The following CSMD1 variants were observed in gnomAD, a reference collection of about 807,000 sequenced individuals.
CSMD1 encodes the protein CUB and Sushi multiple domains 1.
Under a neutral mutation model 417.5 loss-of-function variants are expected in CSMD1, and 213 were observed. That is an observed-to-expected ratio of 0.51 (90% confidence interval 0.46 to 0.57). The LOEUF (loss-of-function observed/expected upper bound fraction) is 0.57, where lower values mean the gene tolerates loss of function less well. Among genes scored for constraint, CSMD1 ranks in the 20% least tolerant of loss-of-function variants. CSMD1 has a pLI of 0.00. For missense variants in CSMD1, 6,923 were observed against 4,529.7 expected (o/e 1.53, Z -15.17); for synonymous variants, 2,862 against 1,736.8 (o/e 1.65, Z -16.11).
intron 1 of CSMD1, among the ~76,000 whole-genome samples, chr8:4,899,602 G>C (rs187320866): frequency 1.3e-5 from 2 of 152,096 alleles, no homozygotes; most frequent in East Asian, 3.9e-4. Context: ...TCTTCTAGAA[G>C]TTACCTGTGG....
intron 3 of CSMD1, among the ~76,000 whole-genome samples, chr8:4,118,511 C>T (rs7838851): frequency 0.99 from 150,620 of 152,252 alleles, 74,528 homozygotes; most frequent in East Asian, 1. Flanking sequence ...TCACTGGTCA[C>T]TAGAGAAATG....
chr8:3,671,675 G>C (rs767262294), intron 7 of CSMD1, among the ~76,000 whole-genome samples: 86 of 149,884 alleles, frequency 5.7e-4, no homozygotes, highest in Non-Finnish European at 9.6e-4. Flanking sequence ...GCTTTAAGGT[G>C]CTGTGAGCTC....
At chr8:4,206,207 T>C (rs1799967377) in intron 3 of CSMD1, among the ~76,000 whole-genome samples, 1 of 152,212 alleles carries the variant, frequency 6.6e-6, no homozygotes, top group South Asian at 2.1e-4. Flanking sequence ...TTTTCTTTTT[T>C]TAAATACTTT....
chr8:3,912,011 A>G lies in CSMD1; in HGVS notation c.818+85892T>C, dbSNP rs189620728. On this transcript the variant is annotated intron_variant, in intron 5 of 69. Coordinates refer to ENST00000635120, the MANE Select transcript of CSMD1 (RefSeq NM_033225.6). ...ATAAAAATAGTTCAAAGGATCACCA[A>G]TTGTCATATAGACACATATGGAGTA... 5.3e-5 allele frequency among the ~76,000 whole-genome samples: 8 copies of G among 152,322 alleles called. No homozygotes were observed. The East Asian group carries it at 1.5e-3, about 29-fold the overall frequency.
At position 4,717,820 on chromosome 8, in the gene CSMD1, C is replaced by T. The variant is rs141143552; in HGVS notation, c.86-80262G>A. Among the ~76,000 whole-genome samples, 459 of 152,056 alleles carry T rather than the reference C, an allele frequency of 3.0e-3. 4 individuals carry two copies. The highest frequency in any genetic ancestry group is 0.011 in the African/African-American group (436 of 41,468). ...ACTATCTGACCCTTTCAGATCTTAC[C>T]GCCACCCCAGGAATCTCTTCACATT... On this transcript the variant is annotated intron_variant, in intron 1 of 69. Coordinates refer to ENST00000635120, the MANE Select transcript of CSMD1 (RefSeq NM_033225.6).
chr8:3,511,515 G>A (rs1396055712), intron 10 of CSMD1, among the ~76,000 whole-genome samples: 1 of 151,696 alleles, frequency 6.6e-6, no homozygotes, highest in Non-Finnish European at 1.5e-5. Flanking sequence ...TGCACTTTGG[G>A]AGGCCGAGGC....
chr8:4,900,384 C>T (rs952254532), intron 1 of CSMD1, among the ~76,000 whole-genome samples: 1 of 152,172 alleles, frequency 6.6e-6, no homozygotes, highest in Admixed American at 6.5e-5. Flanking sequence ...TGACGAACCT[C>T]CTTCCGCACG....
At chr8:4,571,970 C>T (rs1322120230) in intron 2 of CSMD1, among the ~76,000 whole-genome samples, 1 of 152,196 alleles carries the variant, frequency 6.6e-6, no homozygotes, top group African/African-American at 2.4e-5. Flanking sequence ...TTTCCATTTA[C>T]TTGGTAAATA....
intron 33 of CSMD1, among the ~76,000 whole-genome samples, chr8:3,191,050 A>C (rs1406385556): frequency 6.6e-6 from 1 of 152,200 alleles, no homozygotes; most frequent in Non-Finnish European, 1.5e-5. Flanking sequence ...CCTGCTCTAC[A>C]GCACTGTGTT....
At chr8:4,366,539 C>T (rs890120810) in intron 3 of CSMD1, among the ~76,000 whole-genome samples, 1 of 152,158 alleles carries the variant, frequency 6.6e-6, no homozygotes, top group Non-Finnish European at 1.5e-5. Flanking sequence ...TTGCATTCCA[C>T]TCACAGCATA....
intron 2 of CSMD1, among the ~76,000 whole-genome samples, chr8:4,450,611 C>A (rs908735834): frequency 6.6e-6 from 1 of 152,010 alleles, no homozygotes; most frequent in African/African-American, 2.4e-5. Context: ...AGCCTGGTAA[C>A]AGAGTGACAC....
chr8:4,143,133 C>CTGGA (rs57830876), intron 3 of CSMD1, among the ~76,000 whole-genome samples: 5 of 150,714 alleles, frequency 3.3e-5, no homozygotes, highest in African/African-American at 7.5e-5. Context: ...TTGGAATTAG[C>CTGGA]ATTTCTAGAG....
chr8:4,256,085 AG>A (rs1410063830), intron 3 of CSMD1, among the ~76,000 whole-genome samples: 5 of 152,232 alleles, frequency 3.3e-5, no homozygotes, highest in Non-Finnish European at 7.3e-5. Context: ...AGGCAAACGT[AG>A]GTGAATCCCA....
chr8:3,414,557 C>G (rs1473938015), intron 12 of CSMD1, among the ~76,000 whole-genome samples: 1 of 152,122 alleles, frequency 6.6e-6, no homozygotes, highest in Non-Finnish European at 1.5e-5. Context: ...TGTGTTGCAG[C>G]CAAACTATTT....
intron 3 of CSMD1, among the ~76,000 whole-genome samples, chr8:4,378,996 A>G (rs1802928199): frequency 6.6e-6 from 1 of 152,206 alleles, no homozygotes; most frequent in Non-Finnish European, 1.5e-5. Flanking sequence ...GCTCAGATGG[A>G]TTAAGAAAGT....
At chr8:3,199,839 A>G (rs1317401908) in intron 32 of CSMD1, 30 bp from the exon 33 acceptor site, 9 of 1,402,616 alleles carry the variant, frequency 6.4e-6, no homozygotes, top group African/African-American at 1.4e-5. Flanking sequence ...CAGATTCAGA[A>G]AACACACAGC....
intron 3 of CSMD1, among the ~76,000 whole-genome samples, chr8:4,048,676 A>G (rs1248951916): frequency 1.3e-5 from 2 of 152,208 alleles, no homozygotes; most frequent in Non-Finnish European, 2.9e-5. Flanking sequence ...GGAAAGTGTG[A>G]TTGGATCAAT....
At chr8:4,510,745 C>T (rs1376507020) in intron 2 of CSMD1, among the ~76,000 whole-genome samples, 4 of 144,422 alleles carry the variant, frequency 2.8e-5, no homozygotes, top group African/African-American at 1.0e-4. Flanking sequence ...CTCTTCCTTC[C>T]CTCTTCCCTC....
chr8:3,883,971 A>G (rs1198362982), intron 5 of CSMD1, among the ~76,000 whole-genome samples: 1 of 152,218 alleles, frequency 6.6e-6, no homozygotes, highest in Non-Finnish European at 1.5e-5. Flanking sequence ...GAGTGTGCAC[A>G]TACTAAGATA....
Sources: allele counts gnomAD v4.1 joint callset (sites outside exome capture counted in the v4.1 genomes callset), GRCh38; gene constraint gnomAD v4.1.1; transcripts MANE v1.5; gene names NCBI Gene and HGNC (gene_info 2026-07-23, HGNC 2026-07-21).